The following DPP10 variants were observed in gnomAD, a reference collection of about 807,000 sequenced individuals.
DPP10 encodes the protein inactive dipeptidyl peptidase 10.
A neutral mutation model predicts 120.9 loss-of-function variants in DPP10; 33 were observed. The ratio of observed to expected loss-of-function variants is 0.27; its 90% CI spans 0.21 to 0.37. The LOEUF (loss-of-function observed/expected upper bound fraction) is 0.37. Ranked by LOEUF, DPP10 falls within the 10% of genes least tolerant of loss-of-function variation. The pLI is 1.00. For synonymous variants in DPP10, 337 were observed against 326.1 expected (o/e 1.03, Z -0.36); for missense variants, 816 against 942.8 (o/e 0.87, Z 1.76).
intron 1 of DPP10, among the ~76,000 whole-genome samples, chr2:114,927,907 G>C (rs1695757386): frequency 6.6e-6 from 1 of 152,104 alleles, no homozygotes; most frequent in Admixed American, 6.6e-5. Context: ...GGCAAGTAGG[G>C]GGAGTAGGGG....
intron 1 of DPP10, among the ~76,000 whole-genome samples, chr2:115,141,563 G>A (rs762676914): frequency 1.3e-5 from 2 of 152,262 alleles, no homozygotes; most frequent in East Asian, 1.9e-4. Context: ...AAATATTTTG[G>A]TATGAGATGG....
intron 21 of DPP10, among the ~76,000 whole-genome samples, chr2:115,835,302 G>A (rs549248013): frequency 6.6e-6 from 1 of 152,248 alleles, no homozygotes; most frequent in South Asian, 2.1e-4. Flanking sequence ...AAGGCATAAG[G>A]ATGTAGGAAA....
At chr2:114,925,442 G>C (rs1201994314) in intron 1 of DPP10, among the ~76,000 whole-genome samples, 2 of 152,150 alleles carry the variant, frequency 1.3e-5, no homozygotes, top group East Asian at 3.9e-4. Context: ...TGTTTATCGA[G>C]ATGACTGACA....
At chr2:115,204,987 A>G (rs1233121342) in intron 1 of DPP10, among the ~76,000 whole-genome samples, 1 of 152,052 alleles carries the variant, frequency 6.6e-6, no homozygotes, top group Non-Finnish European at 1.5e-5. Flanking sequence ...CATTCCAGAT[A>G]TTAGATCTTT....
intron 1 of DPP10, among the ~76,000 whole-genome samples, chr2:114,829,972 T>C (rs1228618955): frequency 6.6e-6 from 1 of 151,924 alleles, no homozygotes; most frequent in Admixed American, 6.6e-5. Context: ...AACCCACCCA[T>C]TTTCCTCTAA....
At chr2:115,349,583 C>T (rs373615460) in intron 3 of DPP10, among the ~76,000 whole-genome samples, 2 of 152,048 alleles carry the variant, frequency 1.3e-5, no homozygotes, top group South Asian at 2.1e-4. Context: ...TTAATAAATG[C>T]GCTGGGAGGT....
chr2:115,291,130 G>A (rs920891272), intron 1 of DPP10, among the ~76,000 whole-genome samples: 10 of 151,868 alleles, frequency 6.6e-5, no homozygotes, highest in African/African-American at 2.2e-4. Flanking sequence ...AAGCCTCCAG[G>A]GTAGCTGGGA....
intron 1 of DPP10, among the ~76,000 whole-genome samples, chr2:114,614,461 A>G (rs752115488): frequency 1.3e-5 from 2 of 152,134 alleles, no homozygotes; most frequent in Non-Finnish European, 2.9e-5. Flanking sequence ...TTTTTATGTT[A>G]TATGTCAAGC....
chr2:114,737,073 T>C (rs573081357), intron 1 of DPP10, among the ~76,000 whole-genome samples: 1 of 152,344 alleles, frequency 6.6e-6, no homozygotes, highest in East Asian at 1.9e-4. Flanking sequence ...GAGGAAATGC[T>C]TATGATCTTT....
At chr2:114,996,441 T>C (rs1211414165) in intron 1 of DPP10, among the ~76,000 whole-genome samples, 3 of 152,220 alleles carry the variant, frequency 2.0e-5, no homozygotes, top group Non-Finnish European at 4.4e-5. Flanking sequence ...TACTTTTTAA[T>C]GTTTTTCTTC....
intron 3 of DPP10, among the ~76,000 whole-genome samples, chr2:115,369,589 C>A (rs148433852): frequency 1.3e-5 from 2 of 151,932 alleles, no homozygotes; most frequent in African/African-American, 2.4e-5. Flanking sequence ...TTGGGTGTTA[C>A]GTAATACTGG....
chr2:115,803,521 T>C (rs1264227127), intron 19 of DPP10, among the ~76,000 whole-genome samples: 2 of 152,230 alleles, frequency 1.3e-5, no homozygotes, highest in Admixed American at 6.5e-5. Flanking sequence ...AGTTTCTTCC[T>C]AGTCTTCATG....
intron 1 of DPP10, among the ~76,000 whole-genome samples, chr2:114,767,877 T>C (rs974954775): frequency 6.6e-6 from 1 of 152,134 alleles, no homozygotes; most frequent in Non-Finnish European, 1.5e-5. Flanking sequence ...TCCCAACACT[T>C]TGGGATACCG....
intron 19 of DPP10, among the ~76,000 whole-genome samples, chr2:115,808,093 A>C (rs2150008503): frequency 6.6e-6 from 1 of 152,348 alleles, no homozygotes; most frequent in Non-Finnish European, 1.5e-5. Flanking sequence ...TATGGATAAT[A>C]AAATTGCAAA....
intron 1 of DPP10, among the ~76,000 whole-genome samples, chr2:114,616,496 G>T (rs62165207): frequency 2.0e-5 from 3 of 152,064 alleles, no homozygotes; most frequent in Admixed American, 1.3e-4. Context: ...TCCACCAAAA[G>T]CCTGGATTCC....
intron 1 of DPP10, among the ~76,000 whole-genome samples, chr2:114,472,976 A>G (rs992416501): frequency 6.6e-6 from 1 of 152,204 alleles, no homozygotes; most frequent in African/African-American, 2.4e-5. Context: ...AGAGTGCCTC[A>G]TCACTGCCCT....
At chr2:114,644,089 C>A (rs1206777628) in intron 1 of DPP10, among the ~76,000 whole-genome samples, 1 of 148,696 alleles carries the variant, frequency 6.7e-6, no homozygotes, top group East Asian at 2.0e-4. Flanking sequence ...TGCCCGCCAC[C>A]ATGCCCAGCT....
At chr2:115,564,636 T>C (rs2080889449) in intron 5 of DPP10, among the ~76,000 whole-genome samples, 1 of 152,194 alleles carries the variant, frequency 6.6e-6, no homozygotes, top group Admixed American at 6.5e-5. Context: ...TTTTTAGTCA[T>C]AACAATTCTC....
chr2:115,125,514 A>C (rs2050026429), intron 1 of DPP10, among the ~76,000 whole-genome samples: 1 of 145,574 alleles, frequency 6.9e-6, no homozygotes, highest in East Asian at 2.1e-4. Flanking sequence ...TTTTTAAAGT[A>C]TTTTCTTTGC....
Sources: allele counts gnomAD v4.1 joint callset (sites outside exome capture counted in the v4.1 genomes callset), GRCh38; gene constraint gnomAD v4.1.1; transcripts MANE v1.5; gene names NCBI Gene and HGNC (gene_info 2026-07-23, HGNC 2026-07-21).